The following EFCAB13 variants were observed in gnomAD, a reference collection of about 807,000 sequenced individuals.
The protein encoded by EFCAB13 is EF-hand calcium-binding domain-containing protein 13.
A neutral mutation model predicts 110.2 loss-of-function variants in EFCAB13; 91 were observed. That is an observed-to-expected ratio of 0.83 (90% confidence interval 0.70 to 0.98). The LOEUF is 0.98. EFCAB13 is among the 50% of genes least tolerant of loss of function. The pLI is 0.00. For synonymous variants in EFCAB13, 323 were observed against 369.9 expected, an observed-to-expected ratio of 0.87 and a Z score of 1.45; for missense variants, 968 against 1,119.4, an observed-to-expected ratio of 0.86 and a Z score of 1.93.
intron 23 of EFCAB13, among the ~76,000 whole-genome samples, chr17:47,420,158 C>T (rs1033033615): frequency 2.0e-5 from 3 of 152,198 alleles, no homozygotes; most frequent in African/African-American, 7.2e-5. Flanking sequence ...CTGTGTTGGC[C>T]GGGCTGGTCT....
chr17:47,401,792 A>G (rs1434393759), intron 17 of EFCAB13, among the ~76,000 whole-genome samples: 1 of 151,758 alleles, frequency 6.6e-6, no homozygotes, highest in Non-Finnish European at 1.5e-5. Flanking sequence ...CTACAGGCGC[A>G]TGCCACCACA....
intron 14 of EFCAB13, 128 bp downstream of exon 14, chr17:47,379,381 G>A (rs1038431362): frequency 9.4e-6 from 6 of 640,380 alleles, no homozygotes; most frequent in African/African-American, 1.8e-5. Flanking sequence ...AGGCAAGTCA[G>A]TTGCCAGTTT....
chr17:47,377,589 G>C (rs1192240466), intron 12 of EFCAB13, 177 bp from the exon 13 acceptor site: 1 of 432,878 alleles, frequency 2.3e-6, no homozygotes, highest in East Asian at 4.1e-5. Flanking sequence ...AGCTGTAAGA[G>C]AAAGATTAAA....
chr17:47,418,405 A>G (rs956125558), intron 23 of EFCAB13, among the ~76,000 whole-genome samples: 16 of 152,172 alleles, frequency 1.1e-4, no homozygotes, highest in Non-Finnish European at 1.9e-4. Context: ...GGATACATGT[A>G]TATTCAAATC....
At chr17:47,353,456 G>A (rs1330162224) in intron 9 of EFCAB13, among the ~76,000 whole-genome samples, 2 of 151,768 alleles carry the variant, frequency 1.3e-5, no homozygotes, top group Non-Finnish European at 2.9e-5. Context: ...CACCATGCCT[G>A]GCTAAATTTT....
chr17:47,412,222 A>T (rs2065839893), intron 21 of EFCAB13, among the ~76,000 whole-genome samples: 1 of 152,258 alleles, frequency 6.6e-6, no homozygotes, highest in Non-Finnish European at 1.5e-5. Flanking sequence ...CTTTGCACAA[A>T]GGTGCCTGTT....
intron 8 of EFCAB13, 88 bp downstream of exon 8, chr17:47,345,186 A>C: frequency 1.1e-6 from 1 of 883,734 alleles, no homozygotes; most frequent in South Asian, 1.6e-5. Flanking sequence ...CTCTTCATCT[A>C]CTCCTAATGG....
intron 11 of EFCAB13, among the ~76,000 whole-genome samples, chr17:47,373,519 T>C (rs970990746): frequency 1.7e-4 from 26 of 152,272 alleles, no homozygotes; most frequent in African/African-American, 5.8e-4. Context: ...TGTTGCCTTA[T>C]GTTGATGTCT....
chr17:47,439,040 T>C (rs983029300), intron 24 of EFCAB13, among the ~76,000 whole-genome samples: 2 of 152,138 alleles, frequency 1.3e-5, no homozygotes, highest in Non-Finnish European at 2.9e-5. Flanking sequence ...GTTCTTAGTA[T>C]TTCCCTACAC....
At position 47,374,611 on chromosome 17, in the gene EFCAB13, TA is replaced by T. The variant is rs759569556; in HGVS notation, c.1024del (p.Ser342AlafsTer25). On this transcript the variant is annotated frameshift_variant, in exon 12 of 25. Coordinates refer to ENST00000331493, the MANE Select transcript of EFCAB13 (RefSeq NM_152347.5). LOFTEE classifies it high-confidence loss of function. ...PEPSISKKLN[K>X]KSNQYYSKIM... ...AACCTTCAATATCCAAAAAGTTAAATAAAAAAAGCAACCAATATTATAGCAA... is the reference window on the plus strand; with the variant it reads ...AACCTTCAATATCCAAAAAGTTAAATAAAAAAGCAACCAATATTATAGCAA... 1.9e-6 allele frequency: 3 copies of T among 1,602,988 alleles called. No homozygotes were observed. The highest frequency in any genetic ancestry group is 2.2e-5 in the East Asian group (1 of 44,794).
At chr17:47,335,927 A>G (rs1376088285) in intron 5 of EFCAB13, among the ~76,000 whole-genome samples, 1 of 152,220 alleles carries the variant, frequency 6.6e-6, no homozygotes, top group Admixed American at 6.5e-5. Context: ...AGATTTAGGT[A>G]GGGACACAGA....
At chr17:47,331,019 T>C (rs112236183) in intron 4 of EFCAB13, among the ~76,000 whole-genome samples, 1,962 of 152,212 alleles carry the variant, frequency 0.013, 37 homozygotes, top group East Asian at 0.066. Flanking sequence ...TCCCTGGTGA[T>C]TGGTGATGTT....
chr17:47,424,874 C>CTTTTTTTTTTTTTTTTTTTTTTTTTTTT lies in EFCAB13; in HGVS notation c.2495-4918_2495-4917insTTTTTTTTTTTTTTTTTTTTTTTTTTTT, dbSNP rs548271723. Among the ~76,000 whole-genome samples the CTTTTTTTTTTTTTTTTTTTTTTTTTTTT allele has an allele frequency of 1.1e-4, 4 of 36,898 alleles. 1 individual carries two copies. The highest frequency in any genetic ancestry group is 1.5e-4 in the Non-Finnish European group (3 of 19,746). The allele number at this position is 36,898 out of a possible 152,430, so 24.2% of individuals were successfully genotyped here. On this transcript the variant is annotated intron_variant, in intron 23 of 24. Coordinates refer to ENST00000331493, the MANE Select transcript of EFCAB13 (RefSeq NM_152347.5). ...AGGATTTCTTTCTCCGGTTGACAAT[C>CTTTTTTTTTTTTTTTTTTTTTTTTTTTT]TTTTTTTTTTTTTTTTTTTTTTTTT...
intron 23 of EFCAB13, among the ~76,000 whole-genome samples, chr17:47,421,641 G>GAGAA (rs1904720820): frequency 1.5e-5 from 2 of 129,394 alleles, no homozygotes; most frequent in African/African-American, 5.8e-5. Flanking sequence ...AAGAAAGAAA[G>GAGAA]AAAAAAAAAA....
At chr17:47,395,729 T>C in intron 16 of EFCAB13, 105 bp from the exon 17 acceptor site, 2 of 916,888 alleles carry the variant, frequency 2.2e-6, no homozygotes, top group South Asian at 3.4e-5. Flanking sequence ...TTTATTATTC[T>C]TTTAAACCAT....
At chr17:47,377,678 G>A (rs2065623787) in intron 12 of EFCAB13, 88 bp from the exon 13 acceptor site, 1 of 1,172,288 alleles carries the variant, frequency 8.5e-7, no homozygotes, top group East Asian at 2.6e-5. Flanking sequence ...GATAAAACTT[G>A]TTCTCTAATT....
intron 24 of EFCAB13, among the ~76,000 whole-genome samples, chr17:47,436,335 G>A (rs544075986): frequency 5.9e-5 from 9 of 152,044 alleles, no homozygotes; most frequent in Non-Finnish European, 1.0e-4. Context: ...GTGGAATAGC[G>A]TCAAAAGGGT....
chr17:47,391,176 A>G (rs1318230368), intron 14 of EFCAB13, among the ~76,000 whole-genome samples: 3 of 152,144 alleles, frequency 2.0e-5, no homozygotes, highest in African/African-American at 7.2e-5. Context: ...CCTGGCCTCA[A>G]GTGATTCTTC....
At chr17:47,343,350 G>T (rs190185450) in intron 6 of EFCAB13, among the ~76,000 whole-genome samples, 154 of 151,632 alleles carry the variant, frequency 1.0e-3, no homozygotes, top group African/African-American at 3.5e-3. Context: ...ACTCATGTAT[G>T]TAGAGTTATG....
Sources: allele counts gnomAD v4.1 joint callset (sites outside exome capture counted in the v4.1 genomes callset), GRCh38; gene constraint gnomAD v4.1.1; transcripts MANE v1.5; gene names NCBI Gene and HGNC (gene_info 2026-07-23, HGNC 2026-07-21).